The following C6orf120 variants were observed in gnomAD, a reference collection of about 807,000 sequenced individuals.
C6orf120 encodes the protein UPF0669 protein C6orf120.
For missense variants in C6orf120, 311 were observed against 264.2 expected, an observed-to-expected ratio of 1.18 and a Z score of -1.23; for synonymous variants, 165 against 123.1, an observed-to-expected ratio of 1.34 and a Z score of -2.25.
chr6:169,703,293 G>A (rs1218975329), exon 1 of C6orf120: 2 of 517,970 alleles, frequency 3.9e-6, no homozygotes, highest in Admixed American at 3.6e-5. Context: ...TAGGCAGGTT[G>A]ACTAAAAATG....
chr6:169,703,887 C>G, exon 1 of C6orf120: 1 of 726,012 alleles, frequency 1.4e-6, no homozygotes, highest in Non-Finnish European at 2.2e-6. Context: ...GAAATAACTG[C>G]AGATTTTAAG....
chr6:169,703,074 G>C (rs138303623), exon 1 of C6orf120: 17 of 1,524,944 alleles, frequency 1.1e-5, no homozygotes, highest in Non-Finnish European at 1.5e-5. Context: ...CCCTCCATCT[G>C]TGAAGCTGAT....
downstream of C6orf120, chr6:169,705,223 G>A (rs748298089): frequency 7.4e-6 from 12 of 1,613,332 alleles, no homozygotes; most frequent in Non-Finnish European, 9.3e-6. Context: ...TGGTGGGGTT[G>A]TCCACATATA....
chr6:169,702,173 C>G (rs762075813), upstream of C6orf120: 19 of 649,044 alleles, frequency 2.9e-5, no homozygotes, highest in Non-Finnish European at 5.1e-5. Context: ...ATGTATAAAG[C>G]GCGGCCCCCT....
exon 1 of C6orf120, chr6:169,703,387 T>G: frequency 3.7e-6 from 1 of 269,308 alleles, no homozygotes. Context: ...GTAATTTTAC[T>G]CTGGAGATTC....
At chr6:169,705,450 T>C (rs977326781), downstream of C6orf120, 7 of 732,250 alleles carry the variant, frequency 9.6e-6, no homozygotes, top group Admixed American at 7.8e-5. Context: ...GAGAAATGAA[T>C]ATACAATGTA....
exon 1 of C6orf120, chr6:169,702,839 G>A (rs562986387): frequency 1.2e-6 from 2 of 1,612,154 alleles, no homozygotes; most frequent in Admixed American, 1.7e-5. Flanking sequence ...CACCTGGAGA[G>A]CGAGTTCGAG....
At chr6:169,702,670 A>G in exon 1 of C6orf120, 1 of 1,613,470 alleles carries the variant, frequency 6.2e-7, no homozygotes, top group Middle Eastern at 1.7e-4. Flanking sequence ...CAGGATGCGC[A>G]GCCTCAAGGG....
exon 1 of C6orf120, chr6:169,704,332 C>T (rs146409224): frequency 3.9e-5 from 17 of 435,340 alleles, no homozygotes; most frequent in Admixed American, 3.1e-4. Flanking sequence ...TACGGTGATA[C>T]GGACCTTTAA....
chr6:169,702,151 C>T (rs1361966244), upstream of C6orf120: 2 of 614,630 alleles, frequency 3.3e-6, no homozygotes, highest in South Asian at 3.0e-5. Context: ...GAGGCTCCGG[C>T]CTCGGGTCCG....
At chr6:169,703,119 G>T in exon 1 of C6orf120, 3 of 1,394,844 alleles carry the variant, frequency 2.2e-6, no homozygotes, top group Non-Finnish European at 2.9e-6. Context: ...CTTGTACTTG[G>T]TTGAAGTTCT....
exon 1 of C6orf120, chr6:169,702,595 C>A: frequency 1.2e-6 from 2 of 1,613,306 alleles, no homozygotes; most frequent in Non-Finnish European, 1.7e-6. Flanking sequence ...GCACGTCGTC[C>A]AGGGCCAGAT....
chr6:169,702,868 G>A (rs779669562), exon 1 of C6orf120: 1 of 1,611,920 alleles, frequency 6.2e-7, no homozygotes, highest in South Asian at 1.1e-5. Context: ...GTACTACGAC[G>A]GCACGGTCGA....
chr6:169,702,751 A>T, exon 1 of C6orf120: 1 of 1,613,384 alleles, frequency 6.2e-7, no homozygotes, highest in South Asian at 1.1e-5. Context: ...GCAATCGGCC[A>T]CCTGCGGCCC....
downstream of C6orf120, chr6:169,705,001 C>G (rs1219245202): frequency 1.7e-6 from 1 of 580,190 alleles, no homozygotes; most frequent in Non-Finnish European, 2.9e-6. Flanking sequence ...CCTGTATAAT[C>G]ACAGCTTTGG....
exon 1 of C6orf120, chr6:169,704,370 A>T: frequency 2.7e-6 from 1 of 374,162 alleles, no homozygotes; most frequent in East Asian, 4.4e-5. Context: ...TGAAATTCAA[A>T]CACTATCATA....
exon 1 of C6orf120, chr6:169,703,931 T>C (rs1788645274): frequency 1.6e-6 from 2 of 1,239,046 alleles, no homozygotes; most frequent in Admixed American, 5.6e-5. Context: ...TTTATTGGCA[T>C]GAAAATAATG....
chr6:169,704,845 A>G (rs1378183516), exon 1 of C6orf120: 2 of 285,032 alleles, frequency 7.0e-6, no homozygotes, highest in African/African-American at 4.4e-5. Flanking sequence ...ACATATAAAA[A>G]TAAAGGCTTT....
chr6:169,702,583 C>T (rs377523211), exon 1 of C6orf120: 23 of 1,613,222 alleles, frequency 1.4e-5, no homozygotes, highest in Admixed American at 6.7e-5. Flanking sequence ...GTGGGTGCTC[C>T]TGCACGTCGT....
Sources: gnomAD v4.1 joint callset for allele counts on GRCh38, gnomAD v4.1.1 for gene constraint, MANE v1.5 for transcripts, NCBI Gene and HGNC (gene_info 2026-07-23, HGNC 2026-07-21) for gene names.